The following COX7A2L variants were observed in gnomAD, a reference collection of about 807,000 sequenced individuals.
COX7A2L encodes the protein cytochrome c oxidase subunit 7A2 like.
Under a neutral mutation model 14.2 loss-of-function variants are expected in COX7A2L, and 18 were observed. The ratio of observed to expected loss-of-function variants is 1.27; its 90% CI spans 0.88 to 1.88. COX7A2L has a LOEUF of 1.88. Ranked by LOEUF, COX7A2L falls within the 40% of genes most tolerant of loss-of-function variation. COX7A2L has a pLI of 0.00. For synonymous variants in COX7A2L, 65 were observed against 57.4 expected (o/e 1.13, Z -0.60); for missense variants, 179 against 138.8 (o/e 1.29, Z -1.46).
Position 42,338,438 on chromosome 2 carries a change from G to C in COX7A2L, c.193-4569C>G, listed in dbSNP as rs549019800. Among the ~76,000 whole-genome samples the C allele has an allele frequency of 1.2e-4, 19 of 152,172 alleles. No individual in the cohort carries two copies. The highest frequency in any genetic ancestry group is 1.9e-4 in the Non-Finnish European group (13 of 68,024). ...GAGATGAGGTGACCAGGCTTTCTCC[G>C]AGAGCGACAGGCCCCAGCTATGCTG... On this transcript the variant is annotated intron_variant, in intron 2 of 2. Transcript: ENST00000468711. This position sits in a 1 kb window ranked among gnomAD's most constrained non-coding sequence, Gnocchi z 4.4.
Position 42,342,116 on chromosome 2 carries a change from C to G in COX7A2L, c.193-8247G>C, listed in dbSNP as rs940794428. On this transcript the variant is annotated intron_variant, in intron 2 of 2. Coordinates refer to the COX7A2L transcript ENST00000468711. This position sits in a 1 kb window ranked among gnomAD's most constrained non-coding sequence, Gnocchi z 4.9. Reference sequence around the variant, plus strand: ...CTCTAGTGGCGAGGCACTTCCGGAACTGGTGCCAGGTCTTCCTATGAGAGG... The same window carrying G: ...CTCTAGTGGCGAGGCACTTCCGGAAGTGGTGCCAGGTCTTCCTATGAGAGG... Among the ~76,000 whole-genome samples the G allele has an allele frequency of 2.0e-5, 3 of 152,196 alleles. No homozygotes were observed. The highest frequency in any genetic ancestry group is 7.2e-5 in the African/African-American group (3 of 41,460).
downstream of COX7A2L, among the ~76,000 whole-genome samples, chr2:42,345,470 T>C (rs1022806627): frequency 2.7e-5 from 4 of 150,520 alleles, no homozygotes; most frequent in Admixed American, 6.6e-5. Flanking sequence ...AACCTCTAAA[T>C]TGCAAAAAAA....
At chr2:42,366,849 C>T (rs6544541) in intron 1 of COX7A2L, among the ~76,000 whole-genome samples, 73,092 of 151,798 alleles carry the variant, frequency 0.48, 18,142 homozygotes, top group East Asian at 0.74. Flanking sequence ...CCCTCTTCAG[C>T]CTCCCTTCCC....
chr2:42,354,124 A>G (rs543595182), intron 1 of COX7A2L, among the ~76,000 whole-genome samples: 2 of 152,324 alleles, frequency 1.3e-5, no homozygotes, highest in African/African-American at 4.8e-5. Context: ...GTACATAGGT[A>G]TCCATTTGAG....
rs770952664 is a variant in COX7A2L, at chr2:42,361,004, T to C, written c.72+86A>G. 6.2e-5 allele frequency: 90 copies of C among 1,443,634 alleles called. 1 individual carries two copies. The Admixed American group carries it at 1.6e-3, about 25-fold the overall frequency. 89.4% of individuals were successfully genotyped at this position (1,443,634 alleles called of 1,614,324 possible). A position where few individuals can be genotyped will look rare whatever the true frequency, so the allele number is the denominator to read the frequency against. On this transcript the variant is annotated intron_variant, in intron 1 of 2. Coordinates refer to ENST00000234301, the MANE Select transcript of COX7A2L (RefSeq NM_004718.4). ...ACGAACTCGACCGCGGGCAGAAGCC[T>C]CCCCTGGCTCCAACGCCGCGACTGC...
At chr2:42,340,273 C>A (rs1011481383) in intron 2 of COX7A2L, among the ~76,000 whole-genome samples, 4 of 152,206 alleles carry the variant, frequency 2.6e-5, no homozygotes, top group African/African-American at 9.7e-5. Context: ...AGTTGTCACA[C>A]TGAGTTCACT....
intron 1 of COX7A2L, among the ~76,000 whole-genome samples, chr2:42,357,570 C>A (rs946565770): frequency 6.6e-6 from 1 of 152,070 alleles, no homozygotes; most frequent in Non-Finnish European, 1.5e-5. Context: ...CCCTGGCCTC[C>A]GGAAACACTG....
At chr2:42,336,259 A>G (rs1670269742) in intron 2 of COX7A2L, among the ~76,000 whole-genome samples, 1 of 152,146 alleles carries the variant, frequency 6.6e-6, no homozygotes. Context: ...TGTTAGCAAT[A>G]TAATCCTGTA....
chr2:42,359,859 A>C (rs1206814223), intron 1 of COX7A2L: 1 of 151,812 alleles, frequency 6.6e-6, no homozygotes, highest in Non-Finnish European at 1.5e-5. Flanking sequence ...AAAAAAAAAA[A>C]AAAACTTGCC....
At chr2:42,353,433 G>A in intron 1 of COX7A2L, 90 bp from the exon 2 acceptor site, 1 of 1,522,824 alleles carries the variant, frequency 6.6e-7, no homozygotes. Flanking sequence ...CTACGAGAGA[G>A]CAAGAAAGTC....
rs1369062050 is a variant in COX7A2L, at chr2:42,338,662, C to T, written c.193-4793G>A. Among the ~76,000 whole-genome samples, 3 of 152,142 alleles carry T rather than the reference C, an allele frequency of 2.0e-5. No individual in the cohort carries two copies. The highest frequency in any genetic ancestry group is 1.3e-4 in the Admixed American group (2 of 15,278). ...GTGATTCAACTCCATCCCCACCTGG[C>T]GGTCAGCCTGTCGAGGGGCCAGTGA... On this transcript the variant is annotated intron_variant, in intron 2 of 2. Coordinates refer to the COX7A2L transcript ENST00000468711. This position sits in a 1 kb window ranked among gnomAD's most constrained non-coding sequence, Gnocchi z 4.4.
chr2:42,365,518 A>C (rs1671147587), upstream of COX7A2L, among the ~76,000 whole-genome samples: 1 of 152,010 alleles, frequency 6.6e-6, no homozygotes, highest in African/African-American at 2.4e-5. Context: ...TCCCAGCTAC[A>C]GGTGAGGCTG....
chr2:42,352,830 C>T (rs1000983618), intron 2 of COX7A2L: 1 of 243,288 alleles, frequency 4.1e-6, no homozygotes, highest in African/African-American at 2.2e-5. Context: ...AAGCAAAAAA[C>T]AATGAGAAAA....
upstream of COX7A2L, among the ~76,000 whole-genome samples, chr2:42,363,386 T>G (rs1411329595): frequency 6.6e-6 from 1 of 152,218 alleles, no homozygotes; most frequent in Non-Finnish European, 1.5e-5. Flanking sequence ...TCCCACTGAC[T>G]TCTGGACATA....
At chr2:42,357,505 T>C (rs2103903709) in intron 1 of COX7A2L, among the ~76,000 whole-genome samples, 1 of 151,764 alleles carries the variant, frequency 6.6e-6, no homozygotes, top group South Asian at 2.1e-4. Context: ...AGAGACGGGG[T>C]CTCACTTTGC....
At chr2:42,341,903 C>T (rs558133490) in intron 2 of COX7A2L, among the ~76,000 whole-genome samples, 2 of 152,142 alleles carry the variant, frequency 1.3e-5, no homozygotes, top group African/African-American at 2.4e-5. Context: ...AGTCTCTGGA[C>T]GGCTCTAATC....
rs1338273911 is a variant in COX7A2L, at chr2:42,353,324, G to A, written c.92C>T (p.Ser31Phe). The A allele has an allele frequency of 2.5e-6, 4 of 1,613,844 alleles. No individual in the cohort carries two copies. The highest frequency in any genetic ancestry group is 3.4e-6 in the Non-Finnish European group (4 of 1,179,944). The part of the protein sequence containing the change: ...YSPQGLKPVV[S>F]TEAPPIIFAT... ...AAATATGATAGGTGGTGCTTCTGTG[G>A]AAACCACAGGCTTTAATCCCTGTAG... The change falls in exon 2 of 3, where the codon TCC becomes TTC. Residue 31 changes from serine to phenylalanine, a missense_variant. Ser to Phe is a radical substitution (Grantham distance 155, BLOSUM62 -2). Transcript: ENST00000234301.
Position 42,342,966 on chromosome 2 carries a change from T to C in COX7A2L, c.193-9097A>G, listed in dbSNP as rs150933566. Reference sequence around the variant, plus strand: ...GAGGTCAGGAGGCCTGATTCCAGCTTATGCAAGTGACAGTGGCTGATGGCA... The same window carrying C: ...GAGGTCAGGAGGCCTGATTCCAGCTCATGCAAGTGACAGTGGCTGATGGCA... On this transcript the variant is annotated intron_variant, in intron 2 of 2. Transcript: ENST00000468711. This position sits in a 1 kb window ranked among gnomAD's most constrained non-coding sequence, Gnocchi z 4.9. Among the ~76,000 whole-genome samples the C allele has an allele frequency of 2.5e-3, 387 of 152,108 alleles. No homozygotes were observed. The highest frequency in any genetic ancestry group is 4.3e-3 in the Non-Finnish European group (292 of 67,982).
chr2:42,351,220 C>T lies in COX7A2L; in HGVS notation c.344G>A (p.Ter115=), dbSNP rs1670632551. 6.2e-7 allele frequency: 1 copy of T among 1,613,588 alleles called. No homozygotes were observed. Among genetic ancestry groups the T allele is most frequent in the African/African-American group, 1.3e-5 (1 of 75,028 alleles). Residue 115 remains the stop codon, a stop_retained_variant, in exon 3 of 3, where the codon TGA becomes TAA. Transcript: ENST00000234301. ...CAAACCAGTCCTCTGCAGCCTAACT[C>T]ATTTGTTTTTGGGCTGCGAAGCCAT... The part of the protein sequence containing the change: ...LYMASQPKNK[*]
Sources: gnomAD v4.1 joint callset for allele counts (sites outside exome capture counted in the v4.1 genomes callset) on GRCh38, gnomAD v4.1.1 for gene constraint, Gnocchi (gnomAD v3.1) non-coding constraint, MANE v1.5 for transcripts, NCBI Gene and HGNC (gene_info 2026-07-23, HGNC 2026-07-21) for gene names.